SHANK2: variants seen among roughly 807,000 people sequenced by gnomAD.
The protein encoded by SHANK2 is SH3 and multiple ankyrin repeat domains protein 2.
Under a neutral mutation model 133.7 loss-of-function variants are expected in SHANK2, and 43 were observed. That is an observed-to-expected ratio of 0.32 (90% CI 0.25 to 0.41). The LOEUF is 0.41. SHANK2 is among the 10% of genes least tolerant of loss of function. The probability of loss-of-function intolerance (pLI) is 1.00; values close to 1 mark genes in which losing one functional copy is unlikely to be tolerated. For missense variants in SHANK2, 1,994 were observed against 2,235.8 expected (o/e 0.89, Z 2.18); for synonymous variants, 1,017 against 952.8 (o/e 1.07, Z -1.24).
At chr11:70,787,500 TCACCACCATCATCACCAA>T (rs1947694743) in intron 14 of SHANK2, among the ~76,000 whole-genome samples, 1 of 49,888 alleles carries the variant, frequency 2.0e-5, no homozygotes, top group East Asian at 1.0e-3. Flanking sequence ...ACCACCAGCA[TCACCACCATCATCACCAA>T]GACCACCACC....
At chr11:70,631,535 C>T (rs560776968) in intron 17 of SHANK2, among the ~76,000 whole-genome samples, 4 of 152,310 alleles carry the variant, frequency 2.6e-5, no homozygotes, top group Admixed American at 6.5e-5. Flanking sequence ...AAAGTCCCAG[C>T]GGACAGTGAG....
intron 11 of SHANK2, among the ~76,000 whole-genome samples, chr11:70,878,706 T>C (rs180935033): frequency 6.6e-6 from 1 of 152,180 alleles, no homozygotes; most frequent in African/African-American, 2.4e-5. Flanking sequence ...GAGTTTGCCA[T>C]GAGAGGTGAA....
At chr11:70,638,385 C>T (rs1236612650) in intron 17 of SHANK2, among the ~76,000 whole-genome samples, 3 of 152,220 alleles carry the variant, frequency 2.0e-5, no homozygotes, top group South Asian at 2.1e-4. Context: ...CATCCACGCC[C>T]GGCCCCGCTT....
intron 2 of SHANK2, among the ~76,000 whole-genome samples, chr11:71,183,166 C>T (rs1247445998): frequency 6.6e-6 from 1 of 152,176 alleles, no homozygotes; most frequent in Non-Finnish European, 1.5e-5. Flanking sequence ...AATAAAGAGG[C>T]TCTGCAGGCT....
chr11:70,601,268 G>A (rs1286553496), intron 17 of SHANK2, among the ~76,000 whole-genome samples: 1 of 150,368 alleles, frequency 6.7e-6, no homozygotes, highest in Non-Finnish European at 1.5e-5. Context: ...TCACCAGGCT[G>A]GAGTGTACTG....
intron 11 of SHANK2, among the ~76,000 whole-genome samples, chr11:70,821,583 G>A (rs1948524025): frequency 1.3e-5 from 2 of 151,986 alleles, no homozygotes; most frequent in African/African-American, 2.4e-5. Flanking sequence ...CCGCCACCAC[G>A]CCTGCTAATT....
intron 14 of SHANK2, among the ~76,000 whole-genome samples, chr11:70,716,767 A>C (rs1209936647): frequency 2.0e-5 from 3 of 152,116 alleles, no homozygotes; most frequent in African/African-American, 4.8e-5. Context: ...CAGCGGGGAG[A>C]CTGGGCAGGG....
intron 10 of SHANK2, among the ~76,000 whole-genome samples, chr11:70,905,116 G>C (rs959230661): frequency 6.6e-6 from 1 of 152,144 alleles, no homozygotes; most frequent in African/African-American, 2.4e-5. Context: ...GCCCCACAGG[G>C]ACTCAGTACC....
intron 10 of SHANK2, among the ~76,000 whole-genome samples, chr11:70,955,633 T>C (rs1211192718): frequency 6.6e-6 from 1 of 152,248 alleles, no homozygotes; most frequent in African/African-American, 2.4e-5. Context: ...CCAAAATCCA[T>C]AGGACAGGGC....
intron 15 of SHANK2, among the ~76,000 whole-genome samples, chr11:70,664,726 A>AG (rs1229863844): frequency 6.6e-6 from 1 of 152,282 alleles, no homozygotes; most frequent in Admixed American, 6.5e-5. Context: ...TCTTAGGGCC[A>AG]GGGGGGCTGC....
intron 14 of SHANK2, among the ~76,000 whole-genome samples, chr11:70,779,280 A>T (rs1447235621): frequency 6.6e-6 from 1 of 150,986 alleles, no homozygotes; most frequent in African/African-American, 2.4e-5. Flanking sequence ...AGGGTGGGGG[A>T]TGCAGGAGTC....
At chr11:70,668,700 T>C (rs1486945890) in intron 15 of SHANK2, 2 of 152,378 alleles carry the variant, frequency 1.3e-5, no homozygotes, top group Non-Finnish European at 2.9e-5. Flanking sequence ...GAAGACTTCC[T>C]GGAGGAGGAG....
At chr11:70,872,946 C>T in intron 11 of SHANK2, 1 of 467,100 alleles carries the variant, frequency 2.1e-6, no homozygotes, top group Non-Finnish European at 4.5e-6. Context: ...CCTCTCCCCA[C>T]ACTCATGACC....
intron 11 of SHANK2, among the ~76,000 whole-genome samples, chr11:70,828,281 AAAAC>A (rs1430837381): frequency 1.3e-5 from 2 of 152,198 alleles, no homozygotes; most frequent in South Asian, 4.2e-4. Context: ...ACTGTCTCCA[AAAAC>A]AAACAAAAAA....
In SHANK2 at chr11:71,147,065, A is replaced by T. The variant is rs1189228123; in HGVS notation, c.207+55T>A. 3.4e-6 allele frequency: 5 copies of T among 1,455,452 alleles called. No homozygotes were observed. The Admixed American group carries it at 8.2e-5, about 24-fold the overall frequency. The allele number at this position is 1,455,452 out of a possible 1,614,324, so 90.2% of individuals were successfully genotyped here. A position where few individuals can be genotyped will look rare whatever the true frequency, so the allele number is the denominator to read the frequency against. On this transcript the variant is annotated intron_variant, in intron 3 of 25. Transcript: ENST00000601538. ...GGACCAGAGCAGGCCTCTGGCGTTC[A>T]AGCCACAGGTGACATTGTCCAGATG...
intron 6 of SHANK2, among the ~76,000 whole-genome samples, chr11:71,104,373 C>T (rs1320327666): frequency 6.6e-6 from 1 of 152,360 alleles, no homozygotes; most frequent in African/African-American, 2.4e-5. Context: ...CCCCCCCATC[C>T]TGCATCTCTG....
chr11:70,524,894 G>A (rs1591535604), intron 17 of SHANK2, among the ~76,000 whole-genome samples: 3 of 152,368 alleles, frequency 2.0e-5, no homozygotes, highest in South Asian at 2.1e-4. Context: ...ATGCTCACAC[G>A]CACACAGGCA....
chr11:70,947,215 GC>G (rs1950760910), intron 10 of SHANK2, among the ~76,000 whole-genome samples: 1 of 150,154 alleles, frequency 6.7e-6, no homozygotes, highest in Non-Finnish European at 1.5e-5. Flanking sequence ...TTAGAAAACA[GC>G]CCTGCAGTAC....
At chr11:71,078,129 G>A (rs903654346) in intron 8 of SHANK2, among the ~76,000 whole-genome samples, 17 of 151,166 alleles carry the variant, frequency 1.1e-4, no homozygotes, top group African/African-American at 2.9e-4. Flanking sequence ...AAAGAGCAAG[G>A]TGAGCTTGAA....
Sources: allele counts gnomAD v4.1 joint callset (sites outside exome capture counted in the v4.1 genomes callset), GRCh38; gene constraint gnomAD v4.1.1; transcripts MANE v1.5; gene names NCBI Gene and HGNC (gene_info 2026-07-23, HGNC 2026-07-21).